The following SIPA1L1 variants were observed in gnomAD, a reference collection of about 807,000 sequenced individuals.
SIPA1L1 encodes the protein signal-induced proliferation-associated 1-like protein 1.
A neutral mutation model predicts 162.7 loss-of-function variants in SIPA1L1; 26 were observed. That is an observed-to-expected ratio of 0.16 (90% CI 0.12 to 0.22). The LOEUF is 0.22. Among genes scored for constraint, SIPA1L1 ranks in the 10% least tolerant of loss-of-function variants. The pLI is 1.00. For synonymous variants in SIPA1L1, 829 were observed against 837.4 expected, an observed-to-expected ratio of 0.99 and a Z score of 0.17; for missense variants, 1,874 against 2,241.0, an observed-to-expected ratio of 0.84 and a Z score of 3.31.
intron 3 of SIPA1L1, among the ~76,000 whole-genome samples, chr14:71,527,831 G>A (rs1247996677): frequency 6.6e-6 from 1 of 152,060 alleles, no homozygotes; most frequent in Non-Finnish European, 1.5e-5. Context: ...TTGAAAGTGT[G>A]GTTTGTTATA....
At chr14:71,601,948 C>T (rs1365325136) in intron 5 of SIPA1L1, among the ~76,000 whole-genome samples, 9 of 148,988 alleles carry the variant, frequency 6.0e-5, no homozygotes, top group Non-Finnish European at 1.2e-4. Flanking sequence ...GGTCTTCTCC[C>T]TTTTTTTTTC....
chr14:71,502,383 C>T (rs1245896215), intron 2 of SIPA1L1, among the ~76,000 whole-genome samples: 1 of 150,892 alleles, frequency 6.6e-6, no homozygotes, highest in African/African-American at 2.4e-5. Context: ...AGACTACAGG[C>T]ACATGCTACC....
chr14:71,509,942 T>G (rs2050985771), intron 2 of SIPA1L1, among the ~76,000 whole-genome samples: 1 of 152,072 alleles, frequency 6.6e-6, no homozygotes, highest in Non-Finnish European at 1.5e-5. Flanking sequence ...CTCCTGGGTT[T>G]TTTTGGAAAC....
chr14:71,719,131 G>C (rs962996663), intron 17 of SIPA1L1, among the ~76,000 whole-genome samples: 6 of 151,722 alleles, frequency 4.0e-5, no homozygotes, highest in South Asian at 2.1e-4. Flanking sequence ...ATGGAAACAG[G>C]GTTCGCCATA....
chr14:71,458,975 G>A (rs950507156), intron 2 of SIPA1L1, among the ~76,000 whole-genome samples: 3 of 152,136 alleles, frequency 2.0e-5, no homozygotes, highest in Non-Finnish European at 4.4e-5. Context: ...TGGAGGCTGA[G>A]GCAGGAGAAT....
intron 3 of SIPA1L1, chr14:71,528,581 A>G: frequency 6.6e-6 from 1 of 152,220 alleles, no homozygotes; most frequent in Non-Finnish European, 1.5e-5. Flanking sequence ...TGAACCTGGG[A>G]GGCAGAGGTT....
intron 7 of SIPA1L1, among the ~76,000 whole-genome samples, chr14:71,648,793 A>G (rs369104822): frequency 2.0e-4 from 30 of 152,358 alleles, no homozygotes; most frequent in Non-Finnish European, 3.1e-4. Flanking sequence ...AGTTGTAGAC[A>G]TATGTTGCAG....
chr14:71,695,119 T>C (rs954969502), intron 13 of SIPA1L1, among the ~76,000 whole-genome samples: 6 of 152,262 alleles, frequency 3.9e-5, no homozygotes, highest in Non-Finnish European at 7.3e-5. Flanking sequence ...CCACTAGGTC[T>C]GTTCTCAAAT....
intron 7 of SIPA1L1, among the ~76,000 whole-genome samples, chr14:71,627,861 T>C (rs2040189673): frequency 6.6e-6 from 1 of 152,230 alleles, no homozygotes; most frequent in African/African-American, 2.4e-5. Context: ...AATTTTAAGA[T>C]TTCCAAGATC....
intron 2 of SIPA1L1, among the ~76,000 whole-genome samples, chr14:71,492,947 T>C (rs1342915816): frequency 3.9e-5 from 6 of 152,004 alleles, no homozygotes; most frequent in Admixed American, 3.3e-4. Flanking sequence ...TTTTCATACA[T>C]TTACCTCCTT....
At chr14:71,383,280 C>T (rs1595136790) in intron 2 of SIPA1L1, among the ~76,000 whole-genome samples, 2 of 152,306 alleles carry the variant, frequency 1.3e-5, no homozygotes, top group South Asian at 4.1e-4. Context: ...TCTTAACCCA[C>T]ACTGGTCCTG....
intron 8 of SIPA1L1, among the ~76,000 whole-genome samples, chr14:71,656,046 GAA>G (rs2043029632): frequency 2.6e-5 from 4 of 152,206 alleles, no homozygotes; most frequent in Middle Eastern, 3.4e-3. Context: ...TTCTTGGAAA[GAA>G]AAGTTTCATT....
At chr14:71,686,255 T>C (rs2046283421) in intron 13 of SIPA1L1, among the ~76,000 whole-genome samples, 1 of 152,200 alleles carries the variant, frequency 6.6e-6, no homozygotes, top group Non-Finnish European at 1.5e-5. Context: ...TGTTGTTAAA[T>C]TGAAAGCCAT....
intron 2 of SIPA1L1, among the ~76,000 whole-genome samples, chr14:71,469,384 A>G (rs943592573): frequency 2.0e-5 from 3 of 152,078 alleles, no homozygotes; most frequent in African/African-American, 7.2e-5. Context: ...TTGCATTATT[A>G]TTTTTGTTTT....
intron 2 of SIPA1L1, among the ~76,000 whole-genome samples, chr14:71,413,393 G>GA: frequency 6.6e-6 from 1 of 152,302 alleles, no homozygotes; most frequent in Non-Finnish European, 1.5e-5. Context: ...AGCCAAGCAA[G>GA]AATTTGTTGT....
At chr14:71,603,925 A>G (rs977946500) in intron 5 of SIPA1L1, among the ~76,000 whole-genome samples, 5 of 144,404 alleles carry the variant, frequency 3.5e-5, no homozygotes, top group East Asian at 3.9e-4. Flanking sequence ...ATATAAATAT[A>G]TATATATTTA....
At chr14:71,530,549 A>G (rs1472631738) in intron 4 of SIPA1L1, among the ~76,000 whole-genome samples, 4 of 152,206 alleles carry the variant, frequency 2.6e-5, no homozygotes, top group African/African-American at 4.8e-5. Flanking sequence ...GAATATTTCA[A>G]ATATAAAAAG....
chr14:71,638,898 A>G (rs1038355728), intron 7 of SIPA1L1, among the ~76,000 whole-genome samples: 2 of 152,218 alleles, frequency 1.3e-5, no homozygotes, highest in Non-Finnish European at 2.9e-5. Flanking sequence ...CAATCCCTAA[A>G]CAAACAAACA....
chr14:71,344,346 G>A (rs2035944437), intron 2 of SIPA1L1, among the ~76,000 whole-genome samples: 2 of 152,114 alleles, frequency 1.3e-5, no homozygotes, highest in South Asian at 4.2e-4. Flanking sequence ...CTTAACTCAA[G>A]GTTATTATAA....
Sources: allele counts gnomAD v4.1 joint callset (sites outside exome capture counted in the v4.1 genomes callset), GRCh38; gene constraint gnomAD v4.1.1; transcripts MANE v1.5; gene names NCBI Gene and HGNC (gene_info 2026-07-23, HGNC 2026-07-21).